Variants in ZNF217 observed in about 807,000 individuals in gnomAD.
The protein encoded by ZNF217 is zinc finger protein 217.
ZNF217 carries 12 observed loss-of-function variants against 73.3 expected under a neutral mutation model. The ratio of observed to expected loss-of-function variants is 0.16; its 90% CI spans 0.10 to 0.27. The LOEUF (loss-of-function observed/expected upper bound fraction) is 0.27, where lower values mean the gene tolerates loss of function less well. ZNF217 is among the 10% of genes least tolerant of loss of function. ZNF217 has a pLI of 1.00. For synonymous variants in ZNF217, 588 were observed against 516.4 expected (o/e 1.14, Z -1.88); for missense variants, 1,195 against 1,327.8 (o/e 0.90, Z 1.55).
upstream of ZNF217, among the ~76,000 whole-genome samples, chr20:53,595,823 C>A (rs1300474058): frequency 2.6e-5 from 4 of 152,194 alleles, no homozygotes; most frequent in African/African-American, 9.7e-5. Flanking sequence ...CAAGAAACTT[C>A]ATTTAACTTT....
chr20:53,583,608 A>G (rs565246370), intron 1 of ZNF217, among the ~76,000 whole-genome samples: 1 of 152,374 alleles, frequency 6.6e-6, no homozygotes, highest in Non-Finnish European at 1.5e-5. Context: ...GTGTATACAA[A>G]ACAATTTAAA....
chr20:53,570,882 T>G (rs763330619), intron 5 of ZNF217, among the ~76,000 whole-genome samples: 1 of 152,212 alleles, frequency 6.6e-6, no homozygotes, highest in Non-Finnish European at 1.5e-5. Flanking sequence ...AGCGGGGCTT[T>G]GAGCAAACTG....
At chr20:53,583,322 T>C (rs1257178464) in intron 1 of ZNF217, among the ~76,000 whole-genome samples, 154 bp from the exon 2 acceptor site, 3 of 152,240 alleles carry the variant, frequency 2.0e-5, no homozygotes, top group Non-Finnish European at 4.4e-5. Flanking sequence ...TTAAACGTGC[T>C]TGTTAATTAA....
At chr20:53,573,553 G>T (rs575200449) in intron 4 of ZNF217, among the ~76,000 whole-genome samples, 1 of 152,136 alleles carries the variant, frequency 6.6e-6, no homozygotes. Context: ...GCGCATCCCC[G>T]GTTCAAGCGA....
upstream of ZNF217, among the ~76,000 whole-genome samples, chr20:53,596,398 G>A (rs1342215427): frequency 5.3e-5 from 8 of 152,170 alleles, no homozygotes; most frequent in African/African-American, 1.7e-4. Context: ...TCGTGCCAAC[G>A]AAACTGGGAA....
Position 53,585,095 on chromosome 20 carries a change from GAAAAAAAA to G in ZNF217, c.-342-1935_-342-1928del, listed in dbSNP as rs748460021. On this transcript the variant is annotated intron_variant, in intron 1 of 5. Transcript: ENST00000371471. ...CAAAATCAAAGTTCAGTGAGAATTT[GAAAAAAAA>G]AAAAAAAAAAAAAAACTAAGTTAGT... 6.8e-4 allele frequency among the ~76,000 whole-genome samples: 32 copies of G among 46,958 alleles called. 1 individual carries two copies. In the South Asian group the frequency reaches 0.018, roughly 26 times the overall value. The allele number at this position is 46,958 out of a possible 152,430, so 30.8% of individuals were successfully genotyped here.
intron 1 of ZNF217, 44 bp downstream of exon 1, chr20:53,593,712 G>A (rs1195946418): frequency 1.3e-5 from 2 of 151,320 alleles, no homozygotes; most frequent in African/African-American, 2.4e-5. Flanking sequence ...GCAGGACCGG[G>A]CGGGCGCCCC....
intron 3 of ZNF217, 122 bp from the exon 4 acceptor site, chr20:53,577,402 T>A (rs1040808748): frequency 2.6e-5 from 22 of 857,446 alleles, no homozygotes; most frequent in Admixed American, 8.8e-5. Flanking sequence ...TACTATCACA[T>A]AGGATTTCTC....
chr20:53,572,129 A>C (rs1009620339), intron 4 of ZNF217, among the ~76,000 whole-genome samples: 5 of 152,234 alleles, frequency 3.3e-5, no homozygotes, highest in Non-Finnish European at 7.3e-5. Context: ...AAAATACTTG[A>C]AACGTATATG....
Position 53,569,121 on chromosome 20 carries a change from C to A in ZNF217, c.*167G>T, listed in dbSNP as rs1987874427. On this transcript the variant is annotated 3_prime_UTR_variant, in exon 6 of 6. Coordinates refer to ENST00000371471, the MANE Select transcript of ZNF217 (RefSeq NM_006526.3). The stretch of plus-strand genomic sequence containing the variant: ...CAAAAGTTAACAGAACAACTTTACA[C>A]AACTGTAGTGTTCCTTGCAGATTCC... 1.5e-6 allele frequency: 2 copies of A among 1,323,122 alleles called. No individual in the cohort carries two copies. The highest frequency in any genetic ancestry group is 1.2e-5 in the South Asian group (1 of 80,510). The allele number at this position is 1,323,122 out of a possible 1,614,324, so 82.0% of individuals were successfully genotyped here. A position where few individuals can be genotyped will look rare whatever the true frequency, so the allele number is the denominator to read the frequency against.
chr20:53,569,075 A>C lies in ZNF217; in HGVS notation c.*213T>G, dbSNP rs574239461. 1.3e-5 allele frequency: 16 copies of C among 1,222,304 alleles called. No homozygotes were observed. In the African/African-American group the frequency reaches 1.6e-4, roughly 12 times the overall value. The allele number at this position is 1,222,304 out of a possible 1,614,324, so 75.7% of individuals were successfully genotyped here. A position where few individuals can be genotyped will look rare whatever the true frequency, so the allele number is the denominator to read the frequency against. On this transcript the variant is annotated 3_prime_UTR_variant, in exon 6 of 6. Transcript: ENST00000371471. ...TATGTAAGTTCCAACTGTTCCAACT[A>C]GTTTGTATTGCTATTTGGTACAAAA...
chr20:53,585,720 G>A (rs3971352), intron 1 of ZNF217, among the ~76,000 whole-genome samples: 10 of 152,106 alleles, frequency 6.6e-5, no homozygotes, highest in African/African-American at 1.7e-4. Flanking sequence ...ATTTCACTGC[G>A]GTGAAGGACA....
rs775437360 is a variant in ZNF217 at position 53,581,961 on chromosome 20, T to G, written c.866A>C (p.Gln289Pro). The G allele has an allele frequency of 1.2e-6, 2 of 1,614,126 alleles. No homozygotes were observed. The highest frequency in any genetic ancestry group is 2.7e-5 in the African/African-American group (2 of 74,938). The change falls in exon 2 of 6, where the codon CAG (glutamine) becomes CCG (proline). Residue 289 changes from glutamine to proline, a missense_variant. Transcript: ENST00000371471. This position sits in a 1 kb window ranked among gnomAD's most constrained non-coding sequence, Gnocchi z 4.9. Reference sequence around the variant, plus strand: ...CTGGAAGGTGGTGAACGGATCGAGCTGAGGGATGCATCTGACAGGCTTCTT... The same window carrying G: ...CTGGAAGGTGGTGAACGGATCGAGCGGAGGGATGCATCTGACAGGCTTCTT... Reference protein sequence around the residue: ...TGKKPVRCIPQLDPFTTFQAW... With the variant: ...TGKKPVRCIPPLDPFTTFQAW...
At position 53,569,242 on chromosome 20, in the gene ZNF217, T is replaced by C. The variant is rs1206319419; in HGVS notation, c.*46A>G. On this transcript the variant is annotated 3_prime_UTR_variant, in exon 6 of 6. Transcript: ENST00000371471. ...AAGTAAAATTTAATTTCATGGGGAG[T>C]AAGCACTGACATCCACCAAGACCTA... The C allele has an allele frequency of 5.2e-6, 7 of 1,348,426 alleles. No homozygotes were observed. Among genetic ancestry groups the C allele is most frequent in the East Asian group, 4.6e-5 (1 of 21,754 alleles). The allele number at this position is 1,348,426 out of a possible 1,614,324, so 83.5% of individuals were successfully genotyped here.
intron 2 of ZNF217, among the ~76,000 whole-genome samples, chr20:53,579,198 A>T (rs577439767): frequency 5.9e-5 from 9 of 152,296 alleles, no homozygotes; most frequent in African/African-American, 2.2e-4. Flanking sequence ...CACTGGAAGG[A>T]GGACAGAACT....
intron 1 of ZNF217, among the ~76,000 whole-genome samples, chr20:53,586,033 A>G (rs751261565): frequency 6.6e-6 from 1 of 152,090 alleles, no homozygotes; most frequent in African/African-American, 2.4e-5. Context: ...CTACCCCCCC[A>G]AAGTATTGTG....
chr20:53,581,840 G>C lies in ZNF217; in HGVS notation c.987C>G (p.Ser329=). 6.2e-7 allele frequency: 1 copy of C among 1,614,210 alleles called. No homozygotes were observed. The change falls in exon 2 of 6, where the codon TCC becomes TCG. Residue 329 remains serine (S), a synonymous_variant. Transcript: ENST00000371471. This position sits in a 1 kb window ranked among gnomAD's most constrained non-coding sequence, Gnocchi z 4.9. ...TATTTGTTTCTCCAAGCTCCTTCTCGGAACTCGAATCGTCGTTGTCGGTGC... is the reference window on the plus strand; with the variant it reads ...TATTTGTTTCTCCAAGCTCCTTCTCCGAACTCGAATCGTCGTTGTCGGTGC... ...EGSTDNDDSS[S]EKELGETNKG...
chr20:53,576,113 T>C lies in ZNF217; in HGVS notation c.2651A>G (p.Tyr884Cys), dbSNP rs765672803. Reference protein sequence around the residue: ...GSSNINGSIDYPAKNDSPWAP... With the variant: ...GSSNINGSIDCPAKNDSPWAP... Reference sequence around the variant, plus strand: ...CCACGGGCTGTCGTTCTTGGCGGGGTAGTCGATGGAACCATTGATGTTACT... The same window carrying C: ...CCACGGGCTGTCGTTCTTGGCGGGGCAGTCGATGGAACCATTGATGTTACT... The change falls in exon 4 of 6, where the codon TAC becomes TGC. Residue 884 changes from tyrosine (Y) to cysteine (C), a missense_variant. Tyr to Cys is a radical substitution (Grantham distance 194). Around this residue, in one of 9 missense-constraint regions of ZNF217, gnomAD observed 649 missense variants for 642.8 expected, o/e 1.01. Coordinates refer to ENST00000371471, the MANE Select transcript of ZNF217 (RefSeq NM_006526.3). The C allele has an allele frequency of 1.9e-6, 3 of 1,613,838 alleles. No homozygotes were observed. The Admixed American group carries it at 5.0e-5, about 27-fold the overall frequency.
chr20:53,588,333 C>T (rs1197047476), intron 1 of ZNF217, among the ~76,000 whole-genome samples: 1 of 151,548 alleles, frequency 6.6e-6, no homozygotes, highest in Non-Finnish European at 1.5e-5. Flanking sequence ...TAAAAACATC[C>T]TGATCTGAAA....
Sources: gnomAD v4.1 joint callset for allele counts (sites outside exome capture counted in the v4.1 genomes callset) on GRCh38, gnomAD v4.1.1 for gene constraint, gnomAD v4.1.1 regional missense constraint, Gnocchi (gnomAD v3.1) non-coding constraint, MANE v1.5 for transcripts, NCBI Gene and HGNC (gene_info 2026-07-23, HGNC 2026-07-21) for gene names.